The following STK3 variants were observed in gnomAD, a reference collection of about 807,000 sequenced individuals.
The protein encoded by STK3 is serine/threonine-protein kinase 3.
In STK3, 41 loss-of-function variants were observed where a neutral mutation model predicts 58.0. The ratio of observed to expected loss-of-function variants is 0.71; its 90% CI spans 0.55 to 0.92. STK3 has a LOEUF of 0.92. Ranked by LOEUF, STK3 falls within the 40% of genes least tolerant of loss-of-function variation. The pLI is 0.00. For synonymous variants in STK3, 170 were observed against 191.0 expected, an observed-to-expected ratio of 0.89 and a Z score of 0.91; for missense variants, 479 against 602.7, an observed-to-expected ratio of 0.79 and a Z score of 2.15.
intron 3 of STK3, among the ~76,000 whole-genome samples, chr8:98,421,613 T>C (rs541519462): frequency 7.2e-5 from 11 of 152,080 alleles, no homozygotes; most frequent in South Asian, 4.2e-4. Flanking sequence ...TTGTCTCTAC[T>C]AAAAATACAA....
chr8:98,509,541 A>C (rs896416327), intron 10 of STK3, among the ~76,000 whole-genome samples: 1 of 151,976 alleles, frequency 6.6e-6, no homozygotes, highest in Non-Finnish European at 1.5e-5. Context: ...TTGACATTTA[A>C]ATTTTTACTT....
chr8:98,650,308 T>C (rs950448214), intron 6 of STK3, among the ~76,000 whole-genome samples: 19 of 152,242 alleles, frequency 1.2e-4, no homozygotes, highest in African/African-American at 4.3e-4. Flanking sequence ...GAAATAACAT[T>C]AGCATTCCAC....
chr8:98,492,284 T>A (rs1179602390), intron 10 of STK3, among the ~76,000 whole-genome samples: 1 of 152,228 alleles, frequency 6.6e-6, no homozygotes, highest in Non-Finnish European at 1.5e-5. Context: ...ATATGATATC[T>A]TAAATTAAGT....
chr8:98,536,109 C>T (rs2131531728), intron 9 of STK3, among the ~76,000 whole-genome samples: 1 of 152,266 alleles, frequency 6.6e-6, no homozygotes, highest in East Asian at 1.9e-4. Context: ...GTGCTCCTGA[C>T]AACATCCCAA....
At chr8:98,771,978 T>C (rs1294910069) in intron 2 of STK3, among the ~76,000 whole-genome samples, 4 of 152,216 alleles carry the variant, frequency 2.6e-5, no homozygotes, top group African/African-American at 9.6e-5. Flanking sequence ...TGTTTCATAA[T>C]TTTTCTAAGT....
At chr8:98,662,820 C>T (rs576989566) in intron 6 of STK3, among the ~76,000 whole-genome samples, 2 of 152,194 alleles carry the variant, frequency 1.3e-5, no homozygotes, top group African/African-American at 2.4e-5. Flanking sequence ...TGCTATCCCT[C>T]ACCCCTCCCC....
At chr8:98,344,621 C>T in the STK3 span, among the ~76,000 whole-genome samples, 1 of 152,042 alleles carries the variant, frequency 6.6e-6, no homozygotes, top group Non-Finnish European at 1.5e-5. Context: ...CGGCCGGGCG[C>T]GGTGGCTCAC....
At chr8:98,765,606 C>A (rs977289725) in intron 3 of STK3, among the ~76,000 whole-genome samples, 1 of 152,280 alleles carries the variant, frequency 6.6e-6, no homozygotes, top group East Asian at 1.9e-4. Context: ...AAGCCCCTTC[C>A]CTGCTTCTTC....
intron 7 of STK3, among the ~76,000 whole-genome samples, chr8:98,581,262 A>C (rs1813858582): frequency 1.3e-5 from 2 of 152,126 alleles, no homozygotes; most frequent in Admixed American, 1.3e-4. Context: ...TGTGGGAAGT[A>C]GTCTCATTTT....
intron 1 of STK3, among the ~76,000 whole-genome samples, chr8:98,932,293 T>C (rs1587865575): frequency 6.6e-6 from 1 of 152,250 alleles, no homozygotes; most frequent in East Asian, 1.9e-4. Flanking sequence ...CTAAGATTTA[T>C]CTATTCTTAG....
At chr8:98,885,496 A>G (rs1250081014) in intron 1 of STK3, among the ~76,000 whole-genome samples, 1 of 152,066 alleles carries the variant, frequency 6.6e-6, no homozygotes, top group Non-Finnish European at 1.5e-5. Flanking sequence ...CTGGAGTGCA[A>G]TGGCGCGATC....
intron 8 of STK3, among the ~76,000 whole-genome samples, chr8:98,565,762 T>C (rs561032312): frequency 3.9e-5 from 6 of 152,142 alleles, no homozygotes; most frequent in Non-Finnish European, 8.8e-5. Context: ...TCTTTAAAGG[T>C]GGACTTGCCA....
chr8:98,488,680 G>A (rs1228981404), intron 10 of STK3, among the ~76,000 whole-genome samples: 1 of 152,272 alleles, frequency 6.6e-6, no homozygotes, highest in East Asian at 1.9e-4. Context: ...AGGTAGATAC[G>A]TAGCTGCAGG....
intron 6 of STK3, among the ~76,000 whole-genome samples, chr8:98,605,137 G>C (rs1262491875): frequency 1.3e-5 from 2 of 151,966 alleles, no homozygotes; most frequent in Non-Finnish European, 2.9e-5. Context: ...TCATTTTCCT[G>C]TCTTCTTATG....
chr8:98,722,635 A>G (rs1306336959), intron 4 of STK3: 1 of 153,536 alleles, frequency 6.5e-6, no homozygotes, highest in Non-Finnish European at 1.5e-5. Flanking sequence ...TGTTTTAACA[A>G]ATTTCATTCA....
chr8:98,625,386 G>A (rs1433414013), intron 6 of STK3, among the ~76,000 whole-genome samples: 2 of 152,070 alleles, frequency 1.3e-5, no homozygotes, highest in Non-Finnish European at 2.9e-5. Flanking sequence ...TTTCAAAACT[G>A]ACATTTGTCT....
chr8:98,446,611 G>A (rs1260025799), intron 1 of STK3, among the ~76,000 whole-genome samples: 4 of 152,136 alleles, frequency 2.6e-5, no homozygotes, highest in African/African-American at 9.7e-5. Flanking sequence ...AAAAATAACA[G>A]ATGCTGGTGA....
chr8:98,651,238 G>T (rs1266224805), intron 6 of STK3, among the ~76,000 whole-genome samples: 5 of 152,198 alleles, frequency 3.3e-5, no homozygotes, highest in African/African-American at 7.2e-5. Context: ...ACCGAGTCTG[G>T]AGTGGACCTC....
In STK3 at chr8:98,470,302, C is replaced by A. The variant is rs188717188; in HGVS notation, c.1318-14302G>T. On this transcript the variant is annotated intron_variant, in intron 10 of 10. Transcript: ENST00000419617. ...AGTTAGGAATGCCCATTTGAATGAA[C>A]CTCCTCCTGCTACAGTTCTCTTAAC... is the stretch of plus-strand genomic sequence containing the variant. 2.0e-5 allele frequency among the ~76,000 whole-genome samples: 3 copies of A among 152,336 alleles called. No homozygotes were observed. In the East Asian group the frequency reaches 5.8e-4, roughly 29 times the overall value.
Sources: gnomAD v4.1 joint callset for allele counts (sites outside exome capture counted in the v4.1 genomes callset) on GRCh38, gnomAD v4.1.1 for gene constraint, MANE v1.5 for transcripts, NCBI Gene and HGNC (gene_info 2026-07-23, HGNC 2026-07-21) for gene names.